The following ODF2 variants were observed in gnomAD, a reference collection of about 807,000 sequenced individuals.
The protein encoded by ODF2 is outer dense fiber protein 2.
Under a neutral mutation model 110.2 loss-of-function variants are expected in ODF2, and 47 were observed. The observed-to-expected ratio is 0.43, with a 90% confidence interval of 0.34 to 0.54. The LOEUF (loss-of-function observed/expected upper bound fraction) is 0.54. Among genes scored for constraint, ODF2 ranks in the 20% least tolerant of loss-of-function variants. ODF2 has a pLI of 0.03. For synonymous variants in ODF2, 352 were observed against 397.7 expected, an observed-to-expected ratio of 0.89 and a Z score of 1.37; for missense variants, 812 against 1,054.5, an observed-to-expected ratio of 0.77 and a Z score of 3.19.
intron 20 of ODF2, among the ~76,000 whole-genome samples, chr9:128,499,773 C>T (rs1846252836): frequency 6.6e-6 from 1 of 152,110 alleles, no homozygotes; most frequent in Non-Finnish European, 1.5e-5. Flanking sequence ...TCACACCCAG[C>T]TAATTTTTGT....
At chr9:128,482,825 T>C in exon 10 of ODF2, 1 of 1,613,642 alleles carries the variant, frequency 6.2e-7, no homozygotes, top group Non-Finnish European at 8.5e-7. Flanking sequence ...GCGCCTGCTG[T>C]TACTGCTGCA....
downstream of ODF2, chr9:128,501,204 A>G (rs1240838633): frequency 1.3e-5 from 2 of 152,214 alleles, no homozygotes; most frequent in East Asian, 3.8e-4. Context: ...CACTTTAGCT[A>G]TTAGGAAGAG....
At chr9:128,482,070 T>C (rs557006820) in intron 9 of ODF2, among the ~76,000 whole-genome samples, 7 of 152,234 alleles carry the variant, frequency 4.6e-5, no homozygotes, top group Non-Finnish European at 8.8e-5. Flanking sequence ...TTCCTCAAGA[T>C]GTTAATGAGT....
At chr9:128,466,325 AGT>A (rs1837889657) in intron 4 of ODF2, among the ~76,000 whole-genome samples, 1 of 151,712 alleles carries the variant, frequency 6.6e-6, no homozygotes, top group African/African-American at 2.4e-5. Context: ...AAATTAGCCC[AGT>A]GTGGTGGTGT....
intron 1 of ODF2, chr9:128,457,151 C>T (rs1259408734): frequency 2.4e-5 from 35 of 1,480,092 alleles, no homozygotes; most frequent in Non-Finnish European, 2.8e-5. Context: ...TTCCTCCCCT[C>T]TGCCCCCAGG....
chr9:128,487,400 G>C (rs1016191290), intron 13 of ODF2, among the ~76,000 whole-genome samples: 2 of 152,174 alleles, frequency 1.3e-5, no homozygotes, highest in African/African-American at 4.8e-5. Context: ...CAGCAGAGTT[G>C]CTTCTCAGTG....
chr9:128,485,564 G>A lies in ODF2; in HGVS notation c.1400+90G>A, dbSNP rs1843196858. The A allele has an allele frequency of 5.7e-6, 4 of 701,796 alleles. No homozygotes were observed. Among genetic ancestry groups the A allele is most frequent in the Admixed American group, 4.5e-5 (2 of 44,906 alleles). The allele number at this position is 701,796 out of a possible 1,614,324, so 43.5% of individuals were successfully genotyped here. On this transcript the variant is annotated intron_variant, in intron 13 of 20. Transcript: ENST00000604420. The surrounding 1 kb of genome is among the most constrained non-coding windows in gnomAD (Gnocchi z 5.0). ...GGCCTAGTGGCTCAGGGAAGGCCACGTGGCTGCTGTTTGTACTCTCCGGGT... is the reference window on the plus strand; with the variant it reads ...GGCCTAGTGGCTCAGGGAAGGCCACATGGCTGCTGTTTGTACTCTCCGGGT...
chr9:128,491,959 G>A (rs773425947), intron 14 of ODF2, among the ~76,000 whole-genome samples: 10 of 149,142 alleles, frequency 6.7e-5, no homozygotes, highest in Non-Finnish European at 1.2e-4. Context: ...CTCCGCTTTC[G>A]GGTTCATGCC....
intron 18 of ODF2, among the ~76,000 whole-genome samples, chr9:128,496,602 C>T (rs530419066): frequency 6.6e-6 from 1 of 152,354 alleles, no homozygotes; most frequent in African/African-American, 2.4e-5. Flanking sequence ...GAATCAGAAG[C>T]CCTGGCCTTG....
At chr9:128,481,485 AAT>A in intron 8 of ODF2, 93 bp from the exon 9 acceptor site, 1 of 1,024,782 alleles carries the variant, frequency 9.8e-7, no homozygotes. Flanking sequence ...AAAAAAAAAA[AAT>A]ACAATTTTTG....
At chr9:128,482,824 G>A (rs913659561) in exon 10 of ODF2, 21 of 1,611,800 alleles carry the variant, frequency 1.3e-5, no homozygotes, top group Non-Finnish European at 1.8e-5. Context: ...AGCGCCTGCT[G>A]TTACTGCTGC....
At chr9:128,455,946 T>G, upstream of ODF2, 2 of 1,404,610 alleles carry the variant, frequency 1.4e-6, no homozygotes, top group South Asian at 1.6e-5. Context: ...CCAGGCCCGC[T>G]GGACGCGTAG....
chr9:128,475,591 A>G (rs913586305), intron 8 of ODF2, among the ~76,000 whole-genome samples: 9 of 151,938 alleles, frequency 5.9e-5, no homozygotes, highest in Non-Finnish European at 7.4e-5. Context: ...TATTTCCCCA[A>G]TGCCCCCCAG....
intron 3 of ODF2, 35 bp from the exon 3 acceptor site, chr9:128,460,515 C>T (rs534779249): frequency 6.2e-7 from 1 of 1,608,740 alleles, no homozygotes; most frequent in Non-Finnish European, 8.5e-7. Flanking sequence ...ATCCACAGAT[C>T]AACCATTTTT....
chr9:128,456,162 T>G (rs1834714609), exon 1 of ODF2: 2 of 1,549,158 alleles, frequency 1.3e-6, no homozygotes, highest in East Asian at 2.4e-5. Flanking sequence ...AGAGCCAGAC[T>G]GCATCCGCCG....
Position 128,456,183 on chromosome 9 carries a change from A to C in ODF2, c.-281A>C, listed in dbSNP as rs1220171454. The C allele has an allele frequency of 1.9e-6, 3 of 1,549,196 alleles. No individual in the cohort carries two copies. In the Admixed American group the frequency reaches 5.9e-5, roughly 30 times the overall value. ...AGACTGCATCCGCCGCGGCGTCTCC[A>C]TGGCACGACCCTGGCCTCCGACTTC... On this transcript the variant is annotated 5_prime_UTR_variant, in exon 1 of 21. Transcript: ENST00000604420.
intron 19 of ODF2, 79 bp from the exon 20 acceptor site, chr9:128,498,922 A>G: frequency 6.3e-7 from 1 of 1,576,614 alleles, no homozygotes; most frequent in Non-Finnish European, 8.7e-7. Flanking sequence ...AAGACCAGAT[A>G]GTGGGCCCAG....
intron 6 of ODF2, among the ~76,000 whole-genome samples, chr9:128,471,674 G>A (rs1254330835): frequency 2.4e-4 from 37 of 152,048 alleles, no homozygotes; most frequent in Admixed American, 1.3e-4. Context: ...GGAGGACCCC[G>A]TGGATTGTGG....
At chr9:128,492,926 A>C in intron 16 of ODF2, 121 bp downstream of exon 16, 1 of 746,432 alleles carries the variant, frequency 1.3e-6, no homozygotes. Flanking sequence ...AGGTGAGCTC[A>C]TTTTCTCATT....
Sources: gnomAD v4.1 joint callset for allele counts (sites outside exome capture counted in the v4.1 genomes callset) on GRCh38, gnomAD v4.1.1 for gene constraint, Gnocchi (gnomAD v3.1) non-coding constraint, MANE v1.5 for transcripts, NCBI Gene and HGNC (gene_info 2026-07-23, HGNC 2026-07-21) for gene names.